MORC1: variants seen among roughly 807,000 people sequenced by gnomAD.
The protein encoded by MORC1 is MORC family CW-type zinc finger 1, also known as MORC family CW-type zinc finger protein 1.
Under a neutral mutation model 134.9 loss-of-function variants are expected in MORC1, and 59 were observed. The observed-to-expected ratio is 0.44, with a 90% CI of 0.35 to 0.54. The LOEUF is 0.54. Ranked by LOEUF, MORC1 falls within the 20% of genes least tolerant of loss-of-function variation. The pLI, the probability that MORC1 is intolerant of heterozygous loss-of-function variation, is 0.00. For synonymous variants in MORC1, 395 were observed against 391.7 expected (o/e 1.01, Z -0.10); for missense variants, 947 against 1,134.5 (o/e 0.83, Z 2.37).
chr3:109,081,516 C>T (rs1205045852), intron 8 of MORC1, among the ~76,000 whole-genome samples: 1 of 149,374 alleles, frequency 6.7e-6, no homozygotes, highest in African/African-American at 2.5e-5. Context: ...AGTGCAGTGG[C>T]ACGGTCTTGG....
rs114394232 is a variant in MORC1, at chr3:109,033,176, T to A, written c.1460-351A>T. 4.0e-3 allele frequency among the ~76,000 whole-genome samples: 611 copies of A among 152,168 alleles called. 5 individuals carry two copies. Among genetic ancestry groups the A allele is most frequent in the South Asian group, 0.014 (68 of 4,824 alleles). On this transcript the variant is annotated intron_variant, in intron 15 of 27. Transcript: ENST00000232603. The stretch of plus-strand genomic sequence containing the variant: ...TTTCTCTGACCTACTACCTGTCTGC[T>A]GACAATACCACTTTCTGTCTCCAAC...
intron 16 of MORC1, among the ~76,000 whole-genome samples, chr3:109,030,474 A>C (rs1238130453): frequency 6.6e-6 from 1 of 152,160 alleles, no homozygotes; most frequent in East Asian, 1.9e-4. Context: ...ATCTCAATTA[A>C]CTGCCCTTTT....
intron 17 of MORC1, among the ~76,000 whole-genome samples, chr3:109,012,943 C>G (rs1445835390): frequency 3.3e-5 from 5 of 152,172 alleles, no homozygotes; most frequent in Non-Finnish European, 7.3e-5. Context: ...CAATGTGGAA[C>G]TGGAGGGGTG....
Position 109,115,797 on chromosome 3 carries a change from C to T in MORC1, c.66-1360G>A, listed in dbSNP as rs186753829. 6.8e-3 allele frequency among the ~76,000 whole-genome samples: 1,040 copies of T among 152,144 alleles called. 11 individuals carry two copies. The highest frequency in any genetic ancestry group is 7.3e-3 in the Non-Finnish European group (495 of 68,020). ...CTGGAGCTCAAGCTGGTGGGGTACA[C>T]GGAAAACACACAAGTAAACAAACTT... On this transcript the variant is annotated intron_variant, in intron 1 of 27. Transcript: ENST00000232603.
At chr3:109,086,737 C>T (rs888136120) in intron 8 of MORC1, among the ~76,000 whole-genome samples, 5 of 152,118 alleles carry the variant, frequency 3.3e-5, no homozygotes, top group Admixed American at 6.6e-5. Context: ...TACAGGTGGA[C>T]CATCCCTTAT....
At chr3:109,037,957 C>T (rs975302419) in intron 14 of MORC1, among the ~76,000 whole-genome samples, 5 of 152,156 alleles carry the variant, frequency 3.3e-5, no homozygotes, top group African/African-American at 1.2e-4. Flanking sequence ...GGTATATACC[C>T]AGTAATGGGA....
Position 109,118,091 on chromosome 3 carries a change from G to A in MORC1, c.-32C>T. On this transcript the variant is annotated 5_prime_UTR_variant, in exon 1 of 28. Transcript: ENST00000232603. ...GAACACGACCCGCGCAACTCAAGGGGACAAGGACACCTGACCGGCAGCCGT... is the reference window on the plus strand; with the variant it reads ...GAACACGACCCGCGCAACTCAAGGGAACAAGGACACCTGACCGGCAGCCGT... 6.3e-7 allele frequency: 1 copy of A among 1,592,606 alleles called. No individual in the cohort carries two copies. Among genetic ancestry groups the A allele is most frequent in the Non-Finnish European group, 8.6e-7 (1 of 1,168,348 alleles).
intron 21 of MORC1, among the ~76,000 whole-genome samples, chr3:108,992,661 C>T (rs968250286): frequency 2.0e-5 from 3 of 152,194 alleles, no homozygotes; most frequent in Non-Finnish European, 4.4e-5. Flanking sequence ...GAAATGATTA[C>T]ATGTAGCAAA....
In MORC1 at chr3:109,007,059, G is replaced by A. The variant is rs1257163282; in HGVS notation, c.1737C>T (p.Val579=). ...GTGCTGAAGTTAGGCAGGTGGAAGT[G>A]ACAGTGATTTCGTCCACTGGTATAA... The part of the protein sequence containing the change: ...PQFIPVDEIT[V]TSTCLTSAHK... The change falls in exon 18 of 28, where the codon GTC becomes GTT. Residue 579 remains valine, a synonymous_variant. Transcript: ENST00000232603. The A allele has an allele frequency of 6.2e-7, 1 of 1,612,468 alleles. No homozygotes were observed. Among genetic ancestry groups the A allele is most frequent in the Non-Finnish European group, 8.5e-7 (1 of 1,179,374 alleles).
chr3:108,996,275 T>TGCGC (rs1553745284), intron 21 of MORC1, among the ~76,000 whole-genome samples: 8 of 121,796 alleles, frequency 6.6e-5, no homozygotes, highest in African/African-American at 2.2e-4. Flanking sequence ...TGCGCGTGCG[T>TGCGC]GCGCGCGCGC....
At chr3:109,115,010 C>T (rs1951239876) in intron 1 of MORC1, among the ~76,000 whole-genome samples, 1 of 152,180 alleles carries the variant, frequency 6.6e-6, no homozygotes, top group Non-Finnish European at 1.5e-5. Context: ...GCCAGGTCCT[C>T]GGTAACAGAA....
intron 8 of MORC1, among the ~76,000 whole-genome samples, chr3:109,088,489 A>G (rs908059061): frequency 5.9e-5 from 9 of 152,190 alleles, no homozygotes; most frequent in African/African-American, 1.9e-4. Flanking sequence ...ATCACTGATC[A>G]TTAGAGAAAT....
At chr3:109,081,767 C>T (rs1228783802) in intron 8 of MORC1, among the ~76,000 whole-genome samples, 1 of 152,126 alleles carries the variant, frequency 6.6e-6, no homozygotes, top group Non-Finnish European at 1.5e-5. Flanking sequence ...ATTGAACTTT[C>T]ATACCCATGA....
At chr3:109,058,644 T>C (rs1410041414) in intron 12 of MORC1, among the ~76,000 whole-genome samples, 1 of 152,072 alleles carries the variant, frequency 6.6e-6, no homozygotes, top group East Asian at 1.9e-4. Context: ...ATTAAACACA[T>C]GTATATCTAA....
intron 3 of MORC1, chr3:109,109,860 G>T (rs967635293): frequency 6.6e-6 from 1 of 152,344 alleles, no homozygotes; most frequent in Admixed American, 6.5e-5. Context: ...GTGAGTCCAC[G>T]TGATCCCGGG....
rs115729562 is a variant in MORC1 at position 109,053,758 on chromosome 3, C to G, written c.1330+970G>C. Among the ~76,000 whole-genome samples, 777 of 152,282 alleles carry G rather than the reference C, an allele frequency of 5.1e-3. 17 individuals carry two copies. The highest frequency in any genetic ancestry group is 0.018 in the African/African-American group (746 of 41,556). On this transcript the variant is annotated intron_variant, in intron 14 of 27. Coordinates refer to ENST00000232603, the MANE Select transcript of MORC1 (RefSeq NM_014429.4). ...CCTCTGTAACAACCTTGTACATGTA[C>G]ACCTTGATTCTAAAATATATGTTGA...
At chr3:108,982,606 G>T (rs1310778201) in intron 23 of MORC1, among the ~76,000 whole-genome samples, 1 of 151,140 alleles carries the variant, frequency 6.6e-6, no homozygotes, top group East Asian at 1.9e-4. Flanking sequence ...GGGAGGGATA[G>T]CATTAGGAGA....
Position 108,959,027 on chromosome 3 carries a change from C to T in MORC1, c.2893G>A (p.Val965Ile), listed in dbSNP as rs1251504848. The T allele has an allele frequency of 1.3e-6, 2 of 1,553,788 alleles. No homozygotes were observed. Among genetic ancestry groups the T allele is most frequent in the Non-Finnish European group, 1.7e-6 (2 of 1,150,932 alleles). The change falls in exon 28 of 28, where the codon GTA becomes ATA. Residue 965 changes from valine (V) to isoleucine (I), a missense_variant. Transcript: ENST00000232603. ...NLLFQNNLNK[V>I]TIDARHRLPL... Reference sequence around the variant, plus strand: ...AGTCTATGTCTTGCATCTATAGTTACTTTATTTAAATTGTTCTGGAAGAGA... The same window carrying T: ...AGTCTATGTCTTGCATCTATAGTTATTTTATTTAAATTGTTCTGGAAGAGA...
At chr3:109,074,852 C>T (rs890651283) in intron 8 of MORC1, among the ~76,000 whole-genome samples, 2 of 152,136 alleles carry the variant, frequency 1.3e-5, no homozygotes, top group African/African-American at 4.8e-5. Context: ...TTTCCATTTG[C>T]CTGGTACTGT....
Sources: allele counts gnomAD v4.1 joint callset (sites outside exome capture counted in the v4.1 genomes callset), GRCh38; gene constraint gnomAD v4.1.1; transcripts MANE v1.5; gene names NCBI Gene and HGNC (gene_info 2026-07-23, HGNC 2026-07-21).